Variants in CD59 observed in about 807,000 individuals in gnomAD.
CD59 encodes the protein CD59 molecule (CD59 blood group), also known as CD59 glycoprotein.
In CD59, 3 loss-of-function variants were observed where a neutral mutation model predicts 7.0. The observed-to-expected ratio is 0.43, with a 90% CI of 0.19 to 1.10. The LOEUF (loss-of-function observed/expected upper bound fraction) is 1.10. Ranked by LOEUF, CD59 falls within the 50% of genes least tolerant of loss-of-function variation. The pLI is 0.29. For missense variants in CD59, 143 were observed against 151.0 expected, an observed-to-expected ratio of 0.95 and a Z score of 0.28; for synonymous variants, 60 against 62.0, an observed-to-expected ratio of 0.97 and a Z score of 0.15.
Position 33,725,590 on chromosome 11 carries a change from G to A in CD59, c.-18-3127C>T, listed in dbSNP as rs556571552. ...AAGTCTTCCCCCATGATGAAGGAAC[G>A]GCAGGCTTTCCTGGGTGGTGCGTAA... On this transcript the variant is annotated intron_variant, in intron 1 of 3. Coordinates refer to ENST00000642928, the MANE Select transcript of CD59 (RefSeq NM_000611.6). 1.2e-4 allele frequency among the ~76,000 whole-genome samples: 19 copies of A among 152,124 alleles called. No individual in the cohort carries two copies. The East Asian group carries it at 3.3e-3, about 26-fold the overall frequency.
At chr11:33,715,161 A>G (rs1853732894) in intron 3 of CD59, among the ~76,000 whole-genome samples, 1 of 151,910 alleles carries the variant, frequency 6.6e-6, no homozygotes. Context: ...CCAGTAACAC[A>G]TTTATTATAA....
intron 1 of CD59, among the ~76,000 whole-genome samples, chr11:33,733,022 C>G (rs567708214): frequency 1.3e-5 from 2 of 152,260 alleles, no homozygotes; most frequent in South Asian, 2.1e-4. Context: ...GATGAAGACA[C>G]GAAGGGTTCC....
chr11:33,724,434 T>C (rs1246993764), intron 1 of CD59, among the ~76,000 whole-genome samples: 1 of 152,236 alleles, frequency 6.6e-6, no homozygotes, highest in Non-Finnish European at 1.5e-5. Context: ...TAGTTCTGGC[T>C]CTGTCACCTC....
chr11:33,735,230 G>A (rs1356834597), intron 1 of CD59, among the ~76,000 whole-genome samples: 2 of 152,200 alleles, frequency 1.3e-5, no homozygotes, highest in Non-Finnish European at 1.5e-5. Context: ...AGGGATCGCA[G>A]GGTACCTGAA....
At chr11:33,720,758 C>A (rs747075794) in intron 2 of CD59, among the ~76,000 whole-genome samples, 33 of 151,968 alleles carry the variant, frequency 2.2e-4, no homozygotes, top group Non-Finnish European at 4.4e-4. Context: ...AAAAAACAAG[C>A]AATAGGTCAG....
At chr11:33,721,801 T>G (rs1590533909) in intron 2 of CD59, among the ~76,000 whole-genome samples, 1 of 152,306 alleles carries the variant, frequency 6.6e-6, no homozygotes, top group Non-Finnish European at 1.5e-5. Context: ...AGTTATTAAT[T>G]TTGGGGAGGC....
At chr11:33,721,810 G>C (rs1044558405) in intron 2 of CD59, among the ~76,000 whole-genome samples, 9 of 152,306 alleles carry the variant, frequency 5.9e-5, no homozygotes, top group Admixed American at 2.6e-4. Context: ...TTTTGGGGAG[G>C]CCTCAATCTT....
chr11:33,724,856 G>GT (rs1854207427), intron 1 of CD59, among the ~76,000 whole-genome samples: 1 of 152,162 alleles, frequency 6.6e-6, no homozygotes, highest in Non-Finnish European at 1.5e-5. Flanking sequence ...GAGAAAGGAA[G>GT]TAGCTATGTG....
At chr11:33,713,699 G>C (rs991118822) in intron 3 of CD59, among the ~76,000 whole-genome samples, 1 of 152,200 alleles carries the variant, frequency 6.6e-6, no homozygotes, top group South Asian at 2.1e-4. Flanking sequence ...GAAGCTTGGG[G>C]AGAACAGACA....
At chr11:33,735,635 CGG>C (rs1339445134) in intron 1 of CD59, among the ~76,000 whole-genome samples, 2 of 152,164 alleles carry the variant, frequency 1.3e-5, no homozygotes, top group Non-Finnish European at 2.9e-5. Flanking sequence ...ACGTCCGTTT[CGG>C]CCGGGCGCGG....
Position 33,709,211 on chromosome 11 carries a change from G to A in CD59, c.*915C>T, listed in dbSNP as rs1853437148. 6.6e-6 allele frequency: 1 copy of A among 152,224 alleles called. No homozygotes were observed. Among genetic ancestry groups the A allele is most frequent in the South Asian group, 2.1e-4 (1 of 4,832 alleles). 9.4% of individuals were successfully genotyped at this position (152,224 alleles called of 1,614,324 possible). A position where few individuals can be genotyped will look rare whatever the true frequency, so the allele number is the denominator to read the frequency against. On this transcript the variant is annotated 3_prime_UTR_variant, in exon 4 of 4. Transcript: ENST00000642928. ...TGGTAAAACATACCCCTGCAGATCT[G>A]TTGTTATTAAGGATGACCTTTGGAA...
intron 1 of CD59, among the ~76,000 whole-genome samples, chr11:33,727,535 A>C (rs563808555): frequency 1.3e-5 from 2 of 152,322 alleles, no homozygotes; most frequent in South Asian, 4.1e-4. Flanking sequence ...AAATAATAAG[A>C]GCTATTTATG....
rs961953611 is a variant in CD59 at position 33,710,322 on chromosome 11, CA to C, written c.190del (p.Cys64ValfsTer16). ...GAAATTGCAATGCTCAAACTTCCAA[CA>C]CTTGTTATACACTTGTAACCCTGTG... is the stretch of plus-strand genomic sequence containing the variant. ...TKAGLQVYNK[C>X]WKFEHCNFND... is the part of the protein sequence containing the mutation. On this transcript the variant is annotated frameshift_variant, in exon 4 of 4. Transcript: ENST00000642928. LOFTEE classifies it low-confidence loss of function (END_TRUNC). 3 of 1,613,998 alleles carry C rather than the reference CA, an allele frequency of 1.9e-6. No homozygotes were observed. In the African/African-American group the frequency reaches 4.0e-5, roughly 22 times the overall value.
chr11:33,710,061 TG>T lies in CD59; in HGVS notation c.*64del. ...TGGAAAATATCAAGCCTTTAGAATG[TG>T]GCAGCAAGAGAAAGCGGACTACGCA... On this transcript the variant is annotated 3_prime_UTR_variant, in exon 4 of 4. Transcript: ENST00000642928. The T allele has an allele frequency of 8.2e-7, 1 of 1,212,300 alleles. No individual in the cohort carries two copies. The highest frequency in any genetic ancestry group is 1.2e-6 in the Non-Finnish European group (1 of 832,840). 75.1% of individuals were successfully genotyped at this position (1,212,300 alleles called of 1,614,324 possible).
At chr11:33,712,702 T>C (rs1266715209) in intron 3 of CD59, among the ~76,000 whole-genome samples, 3 of 152,204 alleles carry the variant, frequency 2.0e-5, no homozygotes, top group African/African-American at 7.2e-5. Context: ...ATTAGACAGT[T>C]GCGATAAGTC....
chr11:33,731,126 G>A (rs1854403498), intron 1 of CD59, among the ~76,000 whole-genome samples: 1 of 152,150 alleles, frequency 6.6e-6, no homozygotes, highest in African/African-American at 2.4e-5. Flanking sequence ...CTGGTCAACA[G>A]TAGGCTATTA....
In CD59 at chr11:33,708,405, G is replaced by C. The variant is rs1853398709; in HGVS notation, c.*1721C>G. 6.6e-6 allele frequency: 1 copy of C among 152,088 alleles called. No homozygotes were observed. Among genetic ancestry groups the C allele is most frequent in the South Asian group, 2.1e-4 (1 of 4,816 alleles). The allele number at this position is 152,088 out of a possible 1,614,324, so 9.4% of individuals were successfully genotyped here. The stretch of plus-strand genomic sequence containing the variant: ...TCATCCTAGAATCTCAATCCTGAGA[G>C]AGGCTTCCAAAACTGTCGACTCCTG... On this transcript the variant is annotated 3_prime_UTR_variant, in exon 4 of 4. Coordinates refer to ENST00000642928, the MANE Select transcript of CD59 (RefSeq NM_000611.6).
chr11:33,725,951 T>G (rs1854243742), intron 1 of CD59, among the ~76,000 whole-genome samples: 1 of 152,036 alleles, frequency 6.6e-6, no homozygotes, highest in Admixed American at 6.6e-5. Context: ...TACATAATGG[T>G]AAGGAGATCA....
intron 1 of CD59, among the ~76,000 whole-genome samples, chr11:33,734,783 T>C (rs1271247788): frequency 6.6e-6 from 1 of 152,250 alleles, no homozygotes; most frequent in Non-Finnish European, 1.5e-5. Context: ...CAAGCACTTC[T>C]GGGCTTGGCA....
Sources: allele counts gnomAD v4.1 joint callset (sites outside exome capture counted in the v4.1 genomes callset), GRCh38; gene constraint gnomAD v4.1.1; transcripts MANE v1.5; gene names NCBI Gene and HGNC (gene_info 2026-07-23, HGNC 2026-07-21).